The following DEPDC1 variants were observed in gnomAD, a reference collection of about 807,000 sequenced individuals.
The protein encoded by DEPDC1 is DEP domain containing 1.
In DEPDC1, 66 loss-of-function variants were observed where a neutral mutation model predicts 86.8. The ratio of observed to expected loss-of-function variants is 0.76; its 90% CI spans 0.62 to 0.93. The LOEUF (loss-of-function observed/expected upper bound fraction) is 0.93. Ranked by LOEUF, DEPDC1 falls within the 40% of genes least tolerant of loss-of-function variation. DEPDC1 has a pLI of 0.00. For synonymous variants in DEPDC1, 255 were observed against 314.9 expected, an observed-to-expected ratio of 0.81 and a Z score of 2.02; for missense variants, 792 against 935.7, an observed-to-expected ratio of 0.85 and a Z score of 2.00.
rs1190047008 is a variant in DEPDC1, at chr1:68,479,305, A to C, written c.1951T>G (p.Ser651Ala). The change falls in exon 10 of 12, where the codon TCT becomes GCT. Residue 651 changes from serine (S) to alanine (A), a missense_variant. Coordinates refer to ENST00000456315, the MANE Select transcript of DEPDC1 (RefSeq NM_001114120.3). ...GTRSLMIHTF[S>A]RCVLCCAEEV... The stretch of plus-strand genomic sequence containing the variant: ...TCAGCACAGCATAACACACATCGAG[A>C]AAAGGTATGTATCATCTAGAAAAAT... The C allele has an allele frequency of 1.2e-6, 2 of 1,602,310 alleles. No individual in the cohort carries two copies. The highest frequency in any genetic ancestry group is 3.5e-5 in the Admixed American group (2 of 57,698).
At chr1:68,483,220 T>C (rs1646170209) in intron 7 of DEPDC1, 3 of 535,022 alleles carry the variant, frequency 5.6e-6, no homozygotes, top group Non-Finnish European at 1.1e-5. Flanking sequence ...CTCATAAATA[T>C]AAGATAATTG....
intron 7 of DEPDC1, 33 bp from the exon 8 acceptor site, chr1:68,482,930 A>G (rs1646167529): frequency 1.3e-6 from 2 of 1,533,750 alleles, no homozygotes; most frequent in Admixed American, 4.5e-5. Flanking sequence ...TTAAGATGCA[A>G]CTGTATGACA....
In DEPDC1 at chr1:68,481,581, G is replaced by A; in HGVS notation, c.1794C>T (p.Ala598=). The stretch of plus-strand genomic sequence containing the variant: ...AACAACATAACTGTAGAGCATCGAT[G>A]GCAACCCTCTCTAAATGAGGTTGCA... ...SLLQPHLERV[A]IDALQLCCLL... Residue 598 remains alanine (A), a synonymous_variant, in exon 9 of 12, where the codon GCC becomes GCT. Transcript: ENST00000456315. The A allele has an allele frequency of 6.2e-7, 1 of 1,607,560 alleles. No individual in the cohort carries two copies.
At chr1:68,489,164 G>C in intron 3 of DEPDC1, 130 bp from the exon 4 acceptor site, 2 of 651,032 alleles carry the variant, frequency 3.1e-6, no homozygotes, top group Non-Finnish European at 5.2e-6. Flanking sequence ...AATGTAATAT[G>C]GTAATGGAGT....
chr1:68,478,596 C>T (rs2100242181), intron 10 of DEPDC1, among the ~76,000 whole-genome samples: 1 of 152,004 alleles, frequency 6.6e-6, no homozygotes, highest in South Asian at 2.1e-4. Context: ...GTTGGGCAGC[C>T]AAAGACAGAA....
rs779393166 is a variant in DEPDC1, at chr1:68,482,426, G to T, written c.1382C>A (p.Pro461His). ...QNNKLFLESKPKQEFLLNLHS... is the reference protein window; with the variant it reads ...QNNKLFLESKHKQEFLLNLHS... ...AAGATTCAACAGGAATTCCTGTTTG[G>T]GCTTAGACTCTAAAAACAGTTTATT... The change falls in exon 8 of 12, where the codon CCC becomes CAC. Residue 461 changes from proline (P) to histidine (H), a missense_variant. Transcript: ENST00000456315. 2.5e-6 allele frequency: 4 copies of T among 1,612,658 alleles called. No homozygotes were observed. Among genetic ancestry groups the T allele is most frequent in the Non-Finnish European group, 3.4e-6 (4 of 1,179,204 alleles).
chr1:68,478,120 A>G, intron 10 of DEPDC1, 148 bp from the exon 11 acceptor site: 2 of 478,820 alleles, frequency 4.2e-6, no homozygotes, highest in Non-Finnish European at 6.9e-6. Flanking sequence ...CAGTAGAGGT[A>G]TGTAAGTCAG....
chr1:68,487,319 T>C (rs748868190), intron 5 of DEPDC1, among the ~76,000 whole-genome samples: 5 of 152,042 alleles, frequency 3.3e-5, no homozygotes, highest in Non-Finnish European at 7.4e-5. Context: ...ACTACCACTA[T>C]CTTTTCTTCA....
rs1251567991 is a variant in DEPDC1, at chr1:68,494,574, A to C, written c.170T>G (p.Leu57Ter). The change falls in exon 2 of 12, where the codon TTA becomes TGA. Residue 57 changes from leucine (L) to a stop codon, truncating the protein, a stop_gained. Transcript: ENST00000456315. LOFTEE classifies it high-confidence loss of function. Reference protein sequence around the residue: ...GEAVDWLYDLLRNNSNFGPEV... With the variant: ...GEAVDWLYDL ...AGGACCAAAATTGCTATTATTTCTT[A>C]ATAGGTCATAAAGCCAATCCACTGC... The C allele has an allele frequency of 6.2e-7, 1 of 1,613,798 alleles. No homozygotes were observed. The highest frequency in any genetic ancestry group is 1.7e-5 in the Admixed American group (1 of 60,020).
At chr1:68,480,407 T>C (rs1646147413) in intron 9 of DEPDC1, among the ~76,000 whole-genome samples, 1 of 152,028 alleles carries the variant, frequency 6.6e-6, no homozygotes, top group South Asian at 2.1e-4. Context: ...CGGGGTTTCC[T>C]GTCTCCTTCC....
At position 68,488,483 on chromosome 1, in the gene DEPDC1, C is replaced by T. The variant is rs199986409; in HGVS notation, c.612G>A (p.Val204=). Reference sequence around the variant, plus strand: ...GATTTATGACTTCTTCTAGGGATGGCACACCTAAAATGGTTTGCAGGCTAA... The same window carrying T: ...GATTTATGACTTCTTCTAGGGATGGTACACCTAAAATGGTTTGCAGGCTAA... ...ILIYLQTILG[V]PSLEEVINPK... The change falls in exon 5 of 12, where the codon GTG becomes GTA. Residue 204 remains valine, a synonymous_variant. Coordinates refer to ENST00000456315, the MANE Select transcript of DEPDC1 (RefSeq NM_001114120.3). 136 of 1,604,806 alleles carry T rather than the reference C, an allele frequency of 8.5e-5. No individual in the cohort carries two copies. The highest frequency in any genetic ancestry group is 9.3e-5 in the Non-Finnish European group (110 of 1,176,578).
At position 68,488,967 on chromosome 1, in the gene DEPDC1, T is replaced by A. The variant is rs760126114; in HGVS notation, c.539A>T (p.Glu180Val). 6.2e-7 allele frequency: 1 copy of A among 1,606,114 alleles called. No individual in the cohort carries two copies. Among genetic ancestry groups the A allele is most frequent in the Non-Finnish European group, 8.5e-7 (1 of 1,175,224 alleles). ...TTCTTCAACATCTTCCTGGCTTAGT[T>A]CTCTATTATCAATTGCATTTTCTTG... ...EDQENAIDNR[E>V]LSQEDVEEVW... Residue 180 changes from glutamate (E) to valine (V), a missense_variant, in exon 4 of 12, where the codon GAA becomes GTA. Physicochemically the swap from Glu to Val is moderately radical, Grantham distance 121 (BLOSUM62 -2). Transcript: ENST00000456315.
At chr1:68,490,480 AT>A (rs2100268041) in intron 2 of DEPDC1, among the ~76,000 whole-genome samples, 1 of 152,184 alleles carries the variant, frequency 6.6e-6, no homozygotes, top group Admixed American at 6.5e-5. Context: ...ATATGTACAC[AT>A]TTTCTTCATC....
chr1:68,483,200 T>A, intron 7 of DEPDC1: 1 of 541,884 alleles, frequency 1.8e-6, no homozygotes, highest in South Asian at 1.5e-5. Context: ...AGTCTGCAAG[T>A]ACTAGAAACC....
Position 68,488,434 on chromosome 1 carries a change from T to C in DEPDC1, c.661A>G (p.Ile221Val), listed in dbSNP as rs1468802722. 6.2e-7 allele frequency: 1 copy of C among 1,607,878 alleles called. No homozygotes were observed. The highest frequency in any genetic ancestry group is 8.5e-7 in the Non-Finnish European group (1 of 1,177,650). Residue 221 changes from isoleucine to valine, a missense_variant, in exon 5 of 12, where the codon ATA (isoleucine) becomes GTA (valine). Transcript: ENST00000456315. ...CTTGTATTGGCCATGTTGTACATTATATATTGGGGAATTACTTGTTTTGGA... is the reference window on the plus strand; with the variant it reads ...CTTGTATTGGCCATGTTGTACATTACATATTGGGGAATTACTTGTTTTGGA... ...INPKQVIPQY[I>V]MYNMANTSKR...
intron 6 of DEPDC1, 73 bp from the exon 7 acceptor site, chr1:68,484,163 A>T: frequency 2.5e-6 from 3 of 1,201,670 alleles, no homozygotes; most frequent in South Asian, 3.4e-5. Context: ...CATAAAAAGT[A>T]TAAAATCTGT....
chr1:68,474,181 G>A lies in DEPDC1; in HGVS notation c.*2751C>T, dbSNP rs1197504680. On this transcript the variant is annotated 3_prime_UTR_variant, in exon 12 of 12. Transcript: ENST00000456315. ...TAGCAAAAGAGTTTTAATCAGTAGA[G>A]ATCTTAAACTCAATACAAGGCAAGA... The A allele has an allele frequency of 6.6e-6, 1 of 152,082 alleles. No individual in the cohort carries two copies. The highest frequency in any genetic ancestry group is 1.9e-4 in the East Asian group (1 of 5,192). 9.4% of individuals were successfully genotyped at this position (152,082 alleles called of 1,614,324 possible).
rs1187417491 is a variant in DEPDC1, at chr1:68,496,447, G to GA, written c.48+504dup. On this transcript the variant is annotated intron_variant, in intron 1 of 11. Transcript: ENST00000456315. The surrounding 1 kb of genome is among the most constrained non-coding windows in gnomAD (Gnocchi z 4.0). ...GATGGGTACTCAGAAATACCGTTTT[G>GA]AAACAGGCAGCTGTTATCCTAGTGC... Among the ~76,000 whole-genome samples the GA allele has an allele frequency of 6.6e-6, 1 of 152,214 alleles. No homozygotes were observed. The highest frequency in any genetic ancestry group is 2.4e-5 in the African/African-American group (1 of 41,454).
chr1:68,484,199 A>G, intron 6 of DEPDC1, 109 bp from the exon 7 acceptor site: 1 of 798,522 alleles, frequency 1.3e-6, no homozygotes, highest in Non-Finnish European at 1.8e-6. Context: ...TAGGTTTAAC[A>G]ACAAATTCTG....
Sources: gnomAD v4.1 joint callset for allele counts (sites outside exome capture counted in the v4.1 genomes callset) on GRCh38, gnomAD v4.1.1 for gene constraint, Gnocchi (gnomAD v3.1) non-coding constraint, MANE v1.5 for transcripts, NCBI Gene and HGNC (gene_info 2026-07-23, HGNC 2026-07-21) for gene names.